The following EXOC6 variants were observed in gnomAD, a reference collection of about 807,000 sequenced individuals.
The protein encoded by EXOC6 is SEC15-like 1.
In EXOC6, 60 loss-of-function variants were observed where a neutral mutation model predicts 112.5. That is an observed-to-expected ratio of 0.53 (90% confidence interval 0.43 to 0.66). The LOEUF (loss-of-function observed/expected upper bound fraction) is 0.66. Ranked by LOEUF, EXOC6 falls within the 30% of genes least tolerant of loss-of-function variation. EXOC6 has a pLI of 0.00. For missense variants in EXOC6, 855 were observed against 957.1 expected, an observed-to-expected ratio of 0.89 and a Z score of 1.41; for synonymous variants, 295 against 308.0, an observed-to-expected ratio of 0.96 and a Z score of 0.44.
intron 20 of EXOC6, among the ~76,000 whole-genome samples, chr10:93,048,583 A>G (rs1846116078): frequency 6.6e-6 from 1 of 151,786 alleles, no homozygotes. Context: ...AACTTAAAGT[A>G]TAATAATAAT....
intron 20 of EXOC6, among the ~76,000 whole-genome samples, chr10:93,041,678 T>C (rs1845785620): frequency 6.6e-6 from 1 of 152,074 alleles, no homozygotes; most frequent in African/African-American, 2.4e-5. Flanking sequence ...CCTCCCAAAG[T>C]GCTAGGATTA....
At chr10:93,002,107 C>G (rs1026530913) in intron 19 of EXOC6, among the ~76,000 whole-genome samples, 9 of 152,138 alleles carry the variant, frequency 5.9e-5, no homozygotes, top group African/African-American at 1.9e-4. Context: ...ATCATTGAAG[C>G]TACAGGATTC....
chr10:92,970,021 G>C lies in EXOC6; in HGVS notation c.1774-4032G>C, dbSNP rs180764168. On this transcript the variant is annotated intron_variant, in intron 17 of 21. Coordinates refer to ENST00000260762, the MANE Select transcript of EXOC6 (RefSeq NM_019053.6). Reference sequence around the variant, plus strand: ...CTATTGTATTTTCTATCCTTATCTAGATTTTCTGTCCTCAACTAGATTATA... The same window carrying C: ...CTATTGTATTTTCTATCCTTATCTACATTTTCTGTCCTCAACTAGATTATA... Among the ~76,000 whole-genome samples the C allele has an allele frequency of 3.7e-3, 563 of 152,192 alleles. 2 individuals carry two copies. The highest frequency in any genetic ancestry group is 0.012 in the African/African-American group (518 of 41,522).
intron 18 of EXOC6, among the ~76,000 whole-genome samples, chr10:92,994,801 A>G (rs1189168997): frequency 6.6e-6 from 1 of 151,988 alleles, no homozygotes; most frequent in African/African-American, 2.4e-5. Context: ...TCAGAAGATT[A>G]TACCAGAGTG....
intron 1 of EXOC6, among the ~76,000 whole-genome samples, chr10:92,867,258 A>T (rs944666359): frequency 6.6e-6 from 1 of 152,174 alleles, no homozygotes; most frequent in Non-Finnish European, 1.5e-5. Flanking sequence ...TCTTTTACCC[A>T]AGTGATCTCT....
intron 1 of EXOC6, among the ~76,000 whole-genome samples, chr10:92,840,182 C>T (rs1272093590): frequency 6.7e-6 from 1 of 149,578 alleles, no homozygotes; most frequent in Non-Finnish European, 1.5e-5. Flanking sequence ...CATACTAAAA[C>T]AAAAAATAAG....
chr10:93,002,686 AACTCAC>A (rs1172234485), intron 19 of EXOC6, among the ~76,000 whole-genome samples: 7 of 152,310 alleles, frequency 4.6e-5, no homozygotes, highest in Middle Eastern at 3.4e-3. Context: ...GATTGAATCT[AACTCAC>A]AGTTTGGCAT....
At chr10:92,850,013 A>G (rs1241949279) in intron 1 of EXOC6, among the ~76,000 whole-genome samples, 2 of 152,190 alleles carry the variant, frequency 1.3e-5, no homozygotes, top group East Asian at 3.8e-4. Flanking sequence ...ATTTTCCAAC[A>G]TTATTATTTC....
intron 5 of EXOC6, among the ~76,000 whole-genome samples, chr10:92,906,831 A>C (rs1850469886): frequency 6.6e-6 from 1 of 152,202 alleles, no homozygotes. Context: ...ATAGCATCAG[A>C]TCATAGGTGC....
rs946289033 is a variant in EXOC6, at chr10:93,059,369, C to T, written c.*1014C>T. The T allele has an allele frequency of 6.6e-6, 1 of 152,120 alleles. No homozygotes were observed. The highest frequency in any genetic ancestry group is 1.5e-5 in the Non-Finnish European group (1 of 68,026). The allele number at this position is 152,120 out of a possible 1,614,324, so 9.4% of individuals were successfully genotyped here. On this transcript the variant is annotated 3_prime_UTR_variant, in exon 22 of 22. Transcript: ENST00000260762. ...TATTTATGCTGAATCTTCCCTTTGC[C>T]TTTTCAGGATTTAGGCCTGTAAGAA...
At chr10:92,877,023 C>CGTAATGATTTTTTGTTTTTTGTTTTT (rs1564793882) in intron 1 of EXOC6, among the ~76,000 whole-genome samples, 1 of 152,086 alleles carries the variant, frequency 6.6e-6, no homozygotes, top group Non-Finnish European at 1.5e-5. Flanking sequence ...ATAGAATCTG[C>CGTAATGATTTTTTGTTTTTTGTTTTT]GTAATGATTT....
intron 1 of EXOC6, among the ~76,000 whole-genome samples, chr10:92,884,260 C>G (rs913007308): frequency 2.6e-5 from 4 of 152,182 alleles, no homozygotes; most frequent in African/African-American, 9.7e-5. Flanking sequence ...TGTCAGTTGA[C>G]ACAAGCAGTG....
chr10:92,913,876 T>A (rs1323798565), intron 6 of EXOC6, among the ~76,000 whole-genome samples: 2 of 152,212 alleles, frequency 1.3e-5, no homozygotes, highest in Non-Finnish European at 2.9e-5. Flanking sequence ...GAGTTTTAGA[T>A]TGTCTAGGGA....
intron 9 of EXOC6, among the ~76,000 whole-genome samples, chr10:92,933,926 A>G (rs946881686): frequency 1.3e-5 from 2 of 152,104 alleles, no homozygotes; most frequent in Admixed American, 1.3e-4. Context: ...TTCTGAAATC[A>G]TATTTCCTTT....
At chr10:92,867,434 A>G (rs997478200) in intron 1 of EXOC6, among the ~76,000 whole-genome samples, 9 of 152,138 alleles carry the variant, frequency 5.9e-5, no homozygotes, top group Non-Finnish European at 8.8e-5. Flanking sequence ...CCAGAGAAAC[A>G]GGCAGCAAAG....
chr10:93,011,845 T>C (rs1214099057), intron 19 of EXOC6, among the ~76,000 whole-genome samples: 1 of 152,174 alleles, frequency 6.6e-6, no homozygotes, highest in Non-Finnish European at 1.5e-5. Flanking sequence ...ATACCACTTA[T>C]TGTCTAGGGT....
intron 1 of EXOC6, among the ~76,000 whole-genome samples, chr10:92,829,671 A>G (rs571278521): frequency 6.6e-6 from 1 of 152,340 alleles, no homozygotes; most frequent in South Asian, 2.1e-4. Flanking sequence ...GGGCTGGGTA[A>G]AATGAGGCTG....
intron 17 of EXOC6, among the ~76,000 whole-genome samples, chr10:92,971,131 A>G (rs1283068084): frequency 6.6e-6 from 1 of 151,934 alleles, no homozygotes; most frequent in Non-Finnish European, 1.5e-5. Flanking sequence ...GGCTCATTGC[A>G]AGGAACACCT....
chr10:92,869,599 C>T (rs1032910703), intron 1 of EXOC6, among the ~76,000 whole-genome samples: 2 of 152,110 alleles, frequency 1.3e-5, no homozygotes, highest in African/African-American at 2.4e-5. Context: ...TGTGAGCCAC[C>T]GTGCCTAGAC....
Sources: allele counts gnomAD v4.1 joint callset (sites outside exome capture counted in the v4.1 genomes callset), GRCh38; gene constraint gnomAD v4.1.1; transcripts MANE v1.5; gene names NCBI Gene and HGNC (gene_info 2026-07-23, HGNC 2026-07-21).